The following PIP5K1B variants were observed in gnomAD, a reference collection of about 807,000 sequenced individuals.
PIP5K1B encodes phosphatidylinositol 4-phosphate 5-kinase type-1 beta.
A neutral mutation model predicts 67.0 loss-of-function variants in PIP5K1B; 42 were observed. The ratio of observed to expected loss-of-function variants is 0.63; its 90% CI spans 0.49 to 0.81. PIP5K1B has a LOEUF of 0.81. Ranked by LOEUF, PIP5K1B falls within the 30% of genes least tolerant of loss-of-function variation. The pLI is 0.00. For missense variants in PIP5K1B, 459 were observed against 646.3 expected, an observed-to-expected ratio of 0.71 and a Z score of 3.14; for synonymous variants, 214 against 231.4, an observed-to-expected ratio of 0.92 and a Z score of 0.68.
intron 2 of PIP5K1B, among the ~76,000 whole-genome samples, chr9:68,802,252 G>C (rs1832638115): frequency 6.6e-6 from 1 of 152,190 alleles, no homozygotes; most frequent in Non-Finnish European, 1.5e-5. Flanking sequence ...TGATTATCCA[G>C]TGCTAAAAGG....
intron 14 of PIP5K1B, among the ~76,000 whole-genome samples, chr9:68,944,227 C>T (rs191913173): frequency 7.9e-5 from 12 of 152,238 alleles, no homozygotes; most frequent in Admixed American, 7.2e-4. Context: ...ATTTTTGATA[C>T]TTGCATTTTT....
intron 1 of PIP5K1B, among the ~76,000 whole-genome samples, chr9:68,714,557 G>C (rs1827543105): frequency 6.6e-6 from 1 of 152,246 alleles, no homozygotes; most frequent in South Asian, 2.1e-4. Flanking sequence ...GTGATGGTTG[G>C]AGGGCACCTG....
At chr9:68,735,227 A>G (rs1379128161) in intron 1 of PIP5K1B, among the ~76,000 whole-genome samples, 1 of 149,460 alleles carries the variant, frequency 6.7e-6, no homozygotes, top group East Asian at 2.0e-4. Flanking sequence ...TTTATCTTAT[A>G]TTAGTATATA....
intron 14 of PIP5K1B, among the ~76,000 whole-genome samples, chr9:68,982,602 C>T (rs961818638): frequency 6.8e-6 from 1 of 147,112 alleles, no homozygotes; most frequent in Non-Finnish European, 1.5e-5. Flanking sequence ...ACTAAAAATA[C>T]AAAAAAAAAA....
intron 2 of PIP5K1B, among the ~76,000 whole-genome samples, chr9:68,817,374 T>C (rs1450054202): frequency 1.3e-5 from 2 of 152,200 alleles, no homozygotes; most frequent in East Asian, 3.8e-4. Flanking sequence ...GTTATTCCAC[T>C]TCTAGGATTC....
chr9:68,815,641 T>C (rs2132043514), intron 2 of PIP5K1B, among the ~76,000 whole-genome samples: 1 of 152,108 alleles, frequency 6.6e-6, no homozygotes, highest in South Asian at 2.1e-4. Flanking sequence ...AGAGGAGTTA[T>C]AAACAGAAAA....
rs376322907 is a variant in PIP5K1B at position 68,819,398 on chromosome 9, T to C, written c.-1+853T>C. 1.2e-4 allele frequency among the ~76,000 whole-genome samples: 18 copies of C among 152,232 alleles called. No homozygotes were observed. In the East Asian group the frequency reaches 2.1e-3, roughly 18 times the overall value. On this transcript the variant is annotated intron_variant, in intron 3 of 15. Transcript: ENST00000265382. ...AAGCAATCCTCCCACCTCAGCCTCC[T>C]GTGTAGCTGGGAAAATAGGTGCAAG...
intron 5 of PIP5K1B, among the ~76,000 whole-genome samples, chr9:68,875,487 G>A (rs1823845408): frequency 1.3e-5 from 2 of 151,914 alleles, no homozygotes; most frequent in Admixed American, 1.3e-4. Flanking sequence ...AATCTTCTCT[G>A]TTAACATTAT....
At chr9:68,864,331 C>T (rs1823255751) in intron 5 of PIP5K1B, among the ~76,000 whole-genome samples, 1 of 152,196 alleles carries the variant, frequency 6.6e-6, no homozygotes, top group Admixed American at 6.5e-5. Flanking sequence ...GCAACTGGTG[C>T]TAGGTTTTTG....
chr9:68,880,581 ACACACACG>A (rs1824141264), intron 6 of PIP5K1B, among the ~76,000 whole-genome samples: 1 of 51,998 alleles, frequency 1.9e-5, no homozygotes, highest in African/African-American at 5.2e-5. Flanking sequence ...ACACACACAC[ACACACACG>A]CATACACACA....
intron 2 of PIP5K1B, among the ~76,000 whole-genome samples, chr9:68,799,092 T>C (rs981380423): frequency 1.3e-5 from 2 of 152,240 alleles, no homozygotes; most frequent in Non-Finnish European, 2.9e-5. Flanking sequence ...CTATCTCTAA[T>C]ATGTTTTTGA....
intron 14 of PIP5K1B, among the ~76,000 whole-genome samples, chr9:68,988,824 T>C (rs1174473398): frequency 6.7e-6 from 1 of 150,132 alleles, no homozygotes. Flanking sequence ...TTGTTGCGCA[T>C]GGTGGCTCAT....
At chr9:68,938,084 G>T (rs1393588635) in intron 13 of PIP5K1B, among the ~76,000 whole-genome samples, 1 of 152,160 alleles carries the variant, frequency 6.6e-6, no homozygotes, top group Non-Finnish European at 1.5e-5. Context: ...GTTGATTTGG[G>T]GTAGAGAGTA....
intron 14 of PIP5K1B, among the ~76,000 whole-genome samples, chr9:68,978,533 G>C (rs554616830): frequency 2.0e-5 from 3 of 152,210 alleles, no homozygotes; most frequent in East Asian, 3.9e-4. Context: ...GCACACTTAG[G>C]TTGTTGCCCC....
At chr9:68,965,151 A>G (rs1828952560) in intron 14 of PIP5K1B, among the ~76,000 whole-genome samples, 1 of 152,196 alleles carries the variant, frequency 6.6e-6, no homozygotes, top group African/African-American at 2.4e-5. Context: ...CTGCACCTTA[A>G]TCACCTCATC....
intron 12 of PIP5K1B, among the ~76,000 whole-genome samples, chr9:68,932,894 A>G (rs1827069874): frequency 6.6e-6 from 1 of 152,160 alleles, no homozygotes; most frequent in East Asian, 1.9e-4. Flanking sequence ...TGAGGTCAGG[A>G]GTTCGAAACC....
intron 14 of PIP5K1B, among the ~76,000 whole-genome samples, chr9:68,985,752 G>A (rs905254861): frequency 1.1e-4 from 16 of 152,196 alleles, no homozygotes; most frequent in African/African-American, 3.6e-4. Context: ...CAGAGAGCTC[G>A]AAATCTCAGA....
At chr9:68,984,811 A>C (rs990408609) in intron 14 of PIP5K1B, among the ~76,000 whole-genome samples, 2 of 152,160 alleles carry the variant, frequency 1.3e-5, no homozygotes, top group African/African-American at 4.8e-5. Context: ...TTCTGTAATT[A>C]TTTTCAAGCT....
intron 2 of PIP5K1B, among the ~76,000 whole-genome samples, chr9:68,749,301 C>G (rs1041926883): frequency 6.6e-6 from 1 of 152,094 alleles, no homozygotes; most frequent in Non-Finnish European, 1.5e-5. Flanking sequence ...GATGTGAAGA[C>G]ATAGGCAGGG....
Sources: allele counts gnomAD v4.1 joint callset (sites outside exome capture counted in the v4.1 genomes callset), GRCh38; gene constraint gnomAD v4.1.1; transcripts MANE v1.5; gene names NCBI Gene and HGNC (gene_info 2026-07-23, HGNC 2026-07-21).